Variants in LTF observed in about 807,000 individuals in gnomAD.
LTF encodes epididymis luminal protein 110.
In LTF, 91 loss-of-function variants were observed where a neutral mutation model predicts 87.2. The observed-to-expected ratio is 1.04, with a 90% CI of 0.88 to 1.24. LTF has a LOEUF of 1.24. LTF is among the 50% of genes most tolerant of loss of function. The pLI is 0.00. For missense variants in LTF, 901 were observed against 904.3 expected (o/e 1.00, Z 0.05); for synonymous variants, 378 against 356.1 (o/e 1.06, Z -0.69).
chr3:46,468,309 T>A (rs1703241893), upstream of LTF: 15 of 456,600 alleles, frequency 3.3e-5, no homozygotes, highest in South Asian at 2.2e-4. Flanking sequence ...TTGGGTCAGA[T>A]CTCAAAGAGC....
intron 11 of LTF, among the ~76,000 whole-genome samples, chr3:46,446,204 T>C (rs1293238462): frequency 2.6e-5 from 4 of 152,114 alleles, no homozygotes; most frequent in African/African-American, 7.2e-5. Flanking sequence ...CCCCATTCCA[T>C]GACCATGACA....
intron 2 of LTF, among the ~76,000 whole-genome samples, chr3:46,457,511 G>A (rs543357172): frequency 3.9e-5 from 6 of 152,312 alleles, no homozygotes; most frequent in East Asian, 3.9e-4. Flanking sequence ...CCGGGCTGCC[G>A]TTGCCATTCT....
chr3:46,436,642 G>A (rs1702392962), intron 16 of LTF, among the ~76,000 whole-genome samples: 1 of 152,188 alleles, frequency 6.6e-6, no homozygotes, highest in Admixed American at 6.5e-5. Context: ...GAGTTGCTGT[G>A]CTAAGTGCTG....
Position 46,445,261 on chromosome 3 carries a change from G to A in LTF, c.1513+20C>T, listed in dbSNP as rs367742305. 387 of 1,592,732 alleles carry A rather than the reference G, an allele frequency of 2.4e-4. No homozygotes were observed. The highest frequency in any genetic ancestry group is 3.0e-4 in the Non-Finnish European group (355 of 1,168,406). On this transcript the variant is annotated intron_variant, in intron 12 of 16. Coordinates refer to ENST00000231751, the MANE Select transcript of LTF (RefSeq NM_002343.6). ...TACCCTCCAGGGTGGCCCACCCACC[G>A]CACCTTTGGAACTCCTTACCAAATT...
chr3:46,471,971 T>C (rs961033460), intron 1 of LTF, among the ~76,000 whole-genome samples: 3 of 152,130 alleles, frequency 2.0e-5, no homozygotes, highest in Non-Finnish European at 4.4e-5. Flanking sequence ...TTAGCCAATT[T>C]TGTTTGCAGT....
intron 1 of LTF, chr3:46,463,448 C>A: frequency 1.0e-6 from 1 of 985,884 alleles, no homozygotes; most frequent in Non-Finnish European, 1.2e-6. Context: ...ACTCACCCAA[C>A]TTCTGTCAGC....
chr3:46,442,395 T>C (rs192532389), intron 13 of LTF, among the ~76,000 whole-genome samples: 1 of 152,208 alleles, frequency 6.6e-6, no homozygotes, highest in East Asian at 1.9e-4. Flanking sequence ...CCAATCTAGA[T>C]TCTAGATATA....
chr3:46,478,069 A>C (rs1703383771), intron 1 of LTF, among the ~76,000 whole-genome samples: 1 of 151,074 alleles, frequency 6.6e-6, no homozygotes, highest in African/African-American at 2.4e-5. Context: ...CCACACCCAC[A>C]CTCCTTATGC....
chr3:46,450,551 C>A lies in LTF; in HGVS notation c.826G>T (p.Ala276Ser), dbSNP rs1204251453. ...TCCTCCTTGCCATTCACACTTCGTG[C>A]CACAACGGCATGAGAAGGGACCCGG... ...LARVPSHAVV[A>S]RSVNGKEDAI... The change falls in exon 7 of 17, where the codon GCA (alanine) becomes TCA (serine). Residue 276 changes from alanine to serine, a missense_variant. Transcript: ENST00000231751. The A allele has an allele frequency of 6.2e-6, 10 of 1,613,994 alleles. No individual in the cohort carries two copies. The Admixed American group carries it at 1.2e-4, about 19-fold the overall frequency.
intron 6 of LTF, among the ~76,000 whole-genome samples, chr3:46,451,892 G>T (rs906854546): frequency 1.1e-4 from 16 of 152,172 alleles, no homozygotes; most frequent in Non-Finnish European, 2.2e-4. Flanking sequence ...ACCACGCCTG[G>T]CCATAAGTTA....
At chr3:46,456,943 G>A (rs371934024) in intron 2 of LTF, among the ~76,000 whole-genome samples, 15 of 152,172 alleles carry the variant, frequency 9.9e-5, no homozygotes, top group African/African-American at 2.9e-4. Context: ...ATGGGGAATG[G>A]TTTTGGGATG....
At chr3:46,456,526 C>T in intron 2 of LTF, 128 bp from the exon 3 acceptor site, 2 of 654,984 alleles carry the variant, frequency 3.1e-6, no homozygotes, top group Admixed American at 2.6e-5. Context: ...CCATCCTGTC[C>T]CCTCACTTCC....
At chr3:46,484,906 G>A (rs1703496848) in intron 1 of LTF, 1 of 152,232 alleles carries the variant, frequency 6.6e-6, no homozygotes, top group Non-Finnish European at 1.5e-5. Flanking sequence ...TCCCTGGCCA[G>A]CCCCACTGCT....
rs1376136280 is a variant in LTF, at chr3:46,439,464, T to C, written c.1740A>G (p.Ala580=). The C allele has an allele frequency of 6.2e-7, 1 of 1,609,362 alleles. No individual in the cohort carries two copies. The highest frequency in any genetic ancestry group is 1.7e-5 in the Admixed American group (1 of 59,026). ...LQNTDGNNNE[A]WAKDLKLADF... ...CTGCCAGCTTCAAATCCTTAGCCCA[T>C]GCCTCATTGTTATTTCCTGGGGAGA... Residue 580 remains alanine, a synonymous_variant, in exon 15 of 17, where the codon GCA becomes GCG. Coordinates refer to ENST00000231751, the MANE Select transcript of LTF (RefSeq NM_002343.6).
intron 1 of LTF, among the ~76,000 whole-genome samples, chr3:46,472,527 T>A (rs7641511): frequency 0.067 from 8,762 of 130,540 alleles, 746 homozygotes; most frequent in African/African-American, 0.2. Flanking sequence ...TGTGTGTGTG[T>A]GAGAGAGAGA....
intron 16 of LTF, 143 bp from the exon 17 acceptor site, chr3:46,436,372 C>T: frequency 4.0e-6 from 3 of 751,770 alleles, no homozygotes; most frequent in South Asian, 1.6e-5. Context: ...CACTCATATT[C>T]CCACTCCCCT....
At chr3:46,438,699 G>A (rs537846958) in intron 15 of LTF, among the ~76,000 whole-genome samples, 1 of 152,262 alleles carries the variant, frequency 6.6e-6, no homozygotes, top group East Asian at 1.9e-4. Flanking sequence ...CTCCATAAAG[G>A]CCAGTTATGG....
In LTF at chr3:46,454,185, C is replaced by T. The variant is rs138603946; in HGVS notation, c.703+120G>A. 580 of 863,620 alleles carry T rather than the reference C, an allele frequency of 6.7e-4. 3 individuals are homozygous for T. In the African/African-American group the frequency reaches 8.9e-3, roughly 13 times the overall value. 53.5% of individuals were successfully genotyped at this position (863,620 alleles called of 1,614,324 possible). On this transcript the variant is annotated intron_variant, in intron 6 of 16. Transcript: ENST00000231751. ...AAGATCATAAAATCAGAGCTGTGCC[C>T]TGTAGGAATCTTGAAAATGGTCTGC...
Position 46,454,349 on chromosome 3 carries a change from T to C in LTF, c.659A>G (p.Asp220Gly), listed in dbSNP as rs751995601. 1 of 1,614,068 alleles carries C rather than the reference T, an allele frequency of 6.2e-7. No individual in the cohort carries two copies. Among genetic ancestry groups the C allele is most frequent in the East Asian group, 2.2e-5 (1 of 44,854 alleles). ...SYSGAFKCLRDGAGDVAFIRE... is the reference protein window; with the variant it reads ...SYSGAFKCLRGGAGDVAFIRE... The stretch of plus-strand genomic sequence containing the variant: ...GATAAAAGCCACGTCTCCAGCCCCG[T>C]CTCTCAGACACCTGTGAAAAGAGAA... The change falls in exon 6 of 17, where the codon GAC becomes GGC. Residue 220 changes from aspartate (D) to glycine (G), a missense_variant. Transcript: ENST00000231751.
Sources: gnomAD v4.1 joint callset for allele counts (sites outside exome capture counted in the v4.1 genomes callset) on GRCh38, gnomAD v4.1.1 for gene constraint, MANE v1.5 for transcripts, NCBI Gene and HGNC (gene_info 2026-07-23, HGNC 2026-07-21) for gene names.